Variants in DOP1B observed in about 807,000 individuals in gnomAD.
DOP1B encodes the protein protein DOP1B.
DOP1B carries 174 observed loss-of-function variants against 233.5 expected under a neutral mutation model. The ratio of observed to expected loss-of-function variants is 0.75; its 90% CI spans 0.66 to 0.85. The LOEUF (loss-of-function observed/expected upper bound fraction) is 0.85. Among genes scored for constraint, DOP1B ranks in the 40% least tolerant of loss-of-function variants. The probability of loss-of-function intolerance (pLI) is 0.00; values close to 1 mark genes in which losing one functional copy is unlikely to be tolerated. For synonymous variants in DOP1B, 1,190 were observed against 1,185.6 expected, an observed-to-expected ratio of 1.00 and a Z score of -0.08; for missense variants, 2,652 against 2,846.6, an observed-to-expected ratio of 0.93 and a Z score of 1.56.
At chr21:36,158,855 C>A (rs1233231637) in intron 1 of DOP1B, among the ~76,000 whole-genome samples, 5 of 151,096 alleles carry the variant, frequency 3.3e-5, no homozygotes, top group Non-Finnish European at 5.9e-5. Context: ...AGGCCAGGTG[C>A]AGTGGCTCAT....
At chr21:36,247,200 G>T (rs997320508) in intron 19 of DOP1B, among the ~76,000 whole-genome samples, 8 of 152,036 alleles carry the variant, frequency 5.3e-5, no homozygotes, top group African/African-American at 1.9e-4. Flanking sequence ...TTTCAAATCC[G>T]CACAGGTACC....
At chr21:36,216,638 G>T (rs2066563387) in intron 9 of DOP1B, among the ~76,000 whole-genome samples, 3 of 152,112 alleles carry the variant, frequency 2.0e-5, no homozygotes, top group Admixed American at 2.0e-4. Flanking sequence ...TACCATATCA[G>T]CTCACTTTAA....
At chr21:36,258,622 C>T (rs376634016) in intron 23 of DOP1B, among the ~76,000 whole-genome samples, 2 of 152,194 alleles carry the variant, frequency 1.3e-5, no homozygotes, top group African/African-American at 2.4e-5. Context: ...AGGGCCTGGC[C>T]GTTGGGCGTC....
At chr21:36,259,067 G>A (rs1407395085) in intron 23 of DOP1B, among the ~76,000 whole-genome samples, 1 of 146,806 alleles carries the variant, frequency 6.8e-6, no homozygotes, top group South Asian at 2.1e-4. Flanking sequence ...CCAGGTTCAT[G>A]CCATTCTCCT....
Position 36,245,941 on chromosome 21 carries a change from A to C in DOP1B, c.3961A>C (p.Ser1321Arg). The C allele has an allele frequency of 1.2e-6, 2 of 1,613,820 alleles. No homozygotes were observed. Among genetic ancestry groups the C allele is most frequent in the South Asian group, 1.1e-5 (1 of 91,054 alleles). The change falls in exon 19 of 37, where the codon AGC becomes CGC. Residue 1321 changes from serine to arginine, a missense_variant. Physicochemically the swap from Ser to Arg is moderately radical, Grantham distance 110. This residue lies in a region of DOP1B where 2,617 missense variants were observed against 2,794.3 expected (regional missense o/e 0.94). Transcript: ENST00000691173. The surrounding 1 kb of genome is among the most constrained non-coding windows in gnomAD (Gnocchi z 5.5). ...GGAGCTGCTCACCTACCTCTGCCTGAGCTTCCTGCGCTCCTACTACCCTTG... is the reference window on the plus strand; with the variant it reads ...GGAGCTGCTCACCTACCTCTGCCTGCGCTTCCTGCGCTCCTACTACCCTTG... The part of the protein sequence containing the change: ...LLELLTYLCL[S>R]FLRSYYPCYL...
chr21:36,177,191 CTGA>C (rs1282098160), intron 2 of DOP1B, among the ~76,000 whole-genome samples: 1 of 152,146 alleles, frequency 6.6e-6, no homozygotes, highest in African/African-American at 2.4e-5. Context: ...TGCTGGGGCT[CTGA>C]TGATGTTGCA....
intron 32 of DOP1B, among the ~76,000 whole-genome samples, chr21:36,285,326 CTGG>C (rs1370922919): frequency 6.6e-6 from 1 of 152,148 alleles, no homozygotes; most frequent in African/African-American, 2.4e-5. Flanking sequence ...TCCCAAAGTG[CTGG>C]GATTACAGGC....
At chr21:36,244,163 A>G (rs892794292) in intron 18 of DOP1B, among the ~76,000 whole-genome samples, 2 of 150,328 alleles carry the variant, frequency 1.3e-5, no homozygotes, top group South Asian at 2.1e-4. Flanking sequence ...CGCTGGGACT[A>G]TGGGCACGCA....
rs2067464863 is a variant in DOP1B, at chr21:36,284,862, CAT to C, written c.6161-3151_6161-3150del. ...GTTATATAATTATATGACATTGTAA[CAT>C]GTAATTATTATATTTGTATTATATT... On this transcript the variant is annotated intron_variant, in intron 32 of 36. Transcript: ENST00000691173. Among the ~76,000 whole-genome samples the C allele has an allele frequency of 3.3e-5, 5 of 149,640 alleles. No individual in the cohort carries two copies. In the South Asian group the frequency reaches 8.4e-4, roughly 25 times the overall value.
chr21:36,256,490 C>T (rs2067099123), intron 23 of DOP1B, among the ~76,000 whole-genome samples: 1 of 152,120 alleles, frequency 6.6e-6, no homozygotes, highest in South Asian at 2.1e-4. Context: ...AAAAATATAG[C>T]TATACTTGAA....
intron 9 of DOP1B, among the ~76,000 whole-genome samples, chr21:36,217,959 A>C (rs958620696): frequency 5.9e-5 from 9 of 152,206 alleles, no homozygotes; most frequent in South Asian, 2.1e-4. Context: ...TCCAGGTCGT[A>C]TTTTCTGGAA....
At position 36,246,595 on chromosome 21, in the gene DOP1B, A is replaced by G. The variant is rs1469696212; in HGVS notation, c.4615A>G (p.Thr1539Ala). The change falls in exon 19 of 37, where the codon ACA becomes GCA. Residue 1539 changes from threonine to alanine, a missense_variant. Physicochemically the swap from Thr to Ala is moderately conservative, Grantham distance 58. Coordinates refer to ENST00000691173, the MANE Select transcript of DOP1B (RefSeq NM_001320714.2). The surrounding 1 kb of genome is among the most constrained non-coding windows in gnomAD (Gnocchi z 5.1). ...CGGAAAGTCCCTGGGCTGGACGGTGACACCCTTTGTTGTCCAGATTTGCAA... is the reference window on the plus strand; with the variant it reads ...CGGAAAGTCCCTGGGCTGGACGGTGGCACCCTTTGTTGTCCAGATTTGCAA... ...YFGKSLGWTV[T>A]PFVVQICKNL... The G allele has an allele frequency of 6.2e-7, 1 of 1,614,110 alleles. No individual in the cohort carries two copies.
chr21:36,180,270 T>C (rs1045653551), intron 2 of DOP1B, among the ~76,000 whole-genome samples: 1 of 152,220 alleles, frequency 6.6e-6, no homozygotes, highest in Non-Finnish European at 1.5e-5. Context: ...CCATCATTCA[T>C]TAAAATGTAC....
chr21:36,265,223 C>T (rs1447053341), intron 26 of DOP1B, among the ~76,000 whole-genome samples: 1 of 152,106 alleles, frequency 6.6e-6, no homozygotes, highest in Admixed American at 6.6e-5. Flanking sequence ...TGGTGAAACC[C>T]CACCTCTACT....
At chr21:36,212,468 A>G (rs763810849) in intron 7 of DOP1B, among the ~76,000 whole-genome samples, 16 of 152,196 alleles carry the variant, frequency 1.1e-4, no homozygotes, top group Non-Finnish European at 2.1e-4. Flanking sequence ...AATATTGTGG[A>G]AGATATGTAG....
intron 4 of DOP1B, among the ~76,000 whole-genome samples, chr21:36,200,814 G>A (rs564240269): frequency 8.7e-4 from 131 of 151,382 alleles, no homozygotes; most frequent in African/African-American, 3.1e-3. Flanking sequence ...CTGCACTCCA[G>A]CCTGGACAAC....
At chr21:36,286,961 C>T (rs546417392) in intron 32 of DOP1B, among the ~76,000 whole-genome samples, 2 of 148,618 alleles carry the variant, frequency 1.3e-5, no homozygotes, top group Admixed American at 6.7e-5. Flanking sequence ...GAGACTCCAT[C>T]TCAAAAAAAA....
chr21:36,187,793 G>A (rs2066180970), intron 2 of DOP1B, among the ~76,000 whole-genome samples: 1 of 151,916 alleles, frequency 6.6e-6, no homozygotes, highest in Non-Finnish European at 1.5e-5. Context: ...TTTTTATAGA[G>A]ACAGGGTTTT....
intron 26 of DOP1B, among the ~76,000 whole-genome samples, chr21:36,267,596 G>A (rs2067243699): frequency 7.6e-6 from 1 of 132,246 alleles, no homozygotes; most frequent in Non-Finnish European, 1.5e-5. Flanking sequence ...AGGATGGCTT[G>A]AGCCCAGGAG....
Sources: gnomAD v4.1 joint callset for allele counts (sites outside exome capture counted in the v4.1 genomes callset) on GRCh38, gnomAD v4.1.1 for gene constraint, gnomAD v4.1.1 regional missense constraint, Gnocchi (gnomAD v3.1) non-coding constraint, MANE v1.5 for transcripts, NCBI Gene and HGNC (gene_info 2026-07-23, HGNC 2026-07-21) for gene names.